Variants in DOCK5 observed in about 807,000 individuals in gnomAD.
DOCK5 encodes dedicator of cytokinesis protein 5.
In DOCK5, 142 loss-of-function variants were observed where a neutral mutation model predicts 251.8. The ratio of observed to expected loss-of-function variants is 0.56; its 90% CI spans 0.49 to 0.65. The LOEUF (loss-of-function observed/expected upper bound fraction) is 0.65. Ranked by LOEUF, DOCK5 falls within the 30% of genes least tolerant of loss-of-function variation. DOCK5 has a pLI of 0.00. For missense variants in DOCK5, 2,111 were observed against 2,312.3 expected (o/e 0.91, Z 1.79); for synonymous variants, 842 against 835.5 (o/e 1.01, Z -0.13).
rs114596463 is a variant in DOCK5 at position 25,207,880 on chromosome 8, G to A, written c.43+22929G>A. 2.2e-3 allele frequency among the ~76,000 whole-genome samples: 331 copies of A among 152,282 alleles called. 1 individual carries two copies. The highest frequency in any genetic ancestry group is 7.3e-3 in the African/African-American group (303 of 41,560). ...TGAAATGGTGGCTGCCATAAATAGT[G>A]ATTACGCTGATGGTTCTAGGTGTAG... On this transcript the variant is annotated intron_variant, in intron 1 of 51. Transcript: ENST00000276440.
intron 1 of DOCK5, among the ~76,000 whole-genome samples, chr8:25,227,917 C>G (rs1802571419): frequency 6.6e-6 from 1 of 152,284 alleles, no homozygotes; most frequent in Middle Eastern, 3.4e-3. Flanking sequence ...CAAGGTCTCT[C>G]TCTGTCACCC....
intron 40 of DOCK5, among the ~76,000 whole-genome samples, chr8:25,384,459 A>ATTTTTTTTTTTTTTTT (rs1208387306): frequency 1.5e-5 from 1 of 65,704 alleles, no homozygotes; most frequent in Admixed American, 1.8e-4. Context: ...TTATTTATTT[A>ATTTTTTTTTTTTTTTT]TTTATTTTTT....
At chr8:25,356,185 C>T (rs896473381) in intron 27 of DOCK5, among the ~76,000 whole-genome samples, 7 of 151,914 alleles carry the variant, frequency 4.6e-5, no homozygotes, top group Non-Finnish European at 1.0e-4. Context: ...GGTGACAGAG[C>T]GAGACTCCGT....
intron 2 of DOCK5, among the ~76,000 whole-genome samples, chr8:25,256,333 A>G (rs1803419615): frequency 6.6e-6 from 1 of 152,308 alleles, no homozygotes; most frequent in South Asian, 2.1e-4. Flanking sequence ...GTTTTCACCA[A>G]TGCCAGTGTA....
chr8:25,311,909 A>G (rs887172870), intron 13 of DOCK5, among the ~76,000 whole-genome samples: 2 of 151,926 alleles, frequency 1.3e-5, no homozygotes, highest in East Asian at 1.9e-4. Context: ...GCAACAGAGC[A>G]AGACTCTGCC....
intron 3 of DOCK5, chr8:25,270,732 C>T: frequency 2.9e-6 from 2 of 689,582 alleles, no homozygotes; most frequent in Non-Finnish European, 2.7e-6. Flanking sequence ...ACATGGCAGA[C>T]CTTGCTTTCT....
At chr8:25,385,762 C>T (rs534417255) in intron 40 of DOCK5, among the ~76,000 whole-genome samples, 1 of 152,166 alleles carries the variant, frequency 6.6e-6, no homozygotes, top group Admixed American at 6.5e-5. Flanking sequence ...CTGCCTCCTA[C>T]AGTGTAGCTA....
At chr8:25,204,069 T>C (rs879320025) in intron 1 of DOCK5, among the ~76,000 whole-genome samples, 1 of 152,242 alleles carries the variant, frequency 6.6e-6, no homozygotes, top group African/African-American at 2.4e-5. Context: ...GGTTTGTTTG[T>C]TTTTCTTGCA....
chr8:25,392,692 A>T, intron 43 of DOCK5, 104 bp from the exon 44 acceptor site: 2 of 977,974 alleles, frequency 2.0e-6, no homozygotes, highest in Non-Finnish European at 3.2e-6. Flanking sequence ...AATCTCACTT[A>T]AGTGAACCAG....
At position 25,319,471 on chromosome 8, in the gene DOCK5, G is replaced by A. The variant is rs1805361548; in HGVS notation, c.1444-107G>A. The A allele has an allele frequency of 4.5e-6, 3 of 663,624 alleles. No homozygotes were observed. In the East Asian group the frequency reaches 8.4e-5, roughly 19 times the overall value. 41.1% of individuals were successfully genotyped at this position (663,624 alleles called of 1,614,324 possible). ...ATCAGCCGATCAGTGCCAGTGTAGG[G>A]CATGTGTGGACGTGTTTGGGGGTGA... On this transcript the variant is annotated intron_variant, in intron 14 of 51. Coordinates refer to ENST00000276440, the MANE Select transcript of DOCK5 (RefSeq NM_024940.8).
At chr8:25,225,123 A>G (rs1486492532) in intron 1 of DOCK5, among the ~76,000 whole-genome samples, 1 of 152,206 alleles carries the variant, frequency 6.6e-6, no homozygotes, top group Non-Finnish European at 1.5e-5. Context: ...ATGTGGAGAA[A>G]TTGGAACTCT....
Position 25,197,568 on chromosome 8 carries a change from T to TGG in DOCK5, c.43+12617_43+12618insGG, listed in dbSNP as rs1801760835. On this transcript the variant is annotated intron_variant, in intron 1 of 51. Transcript: ENST00000276440. ...AGATGCCCTCTCTTTAAGGATCGTG[T>TGG]CTTTGTCTTTTTTTTTTTTTTTTTT... 3.0e-5 allele frequency among the ~76,000 whole-genome samples: 2 copies of TGG among 67,594 alleles called. 1 individual carries two copies. Among genetic ancestry groups the TGG allele is most frequent in the Non-Finnish European group, 7.8e-5 (2 of 25,558 alleles). 44.3% of individuals were successfully genotyped at this position (67,594 alleles called of 152,430 possible). A position where few individuals can be genotyped will look rare whatever the true frequency, so the allele number is the denominator to read the frequency against.
intron 29 of DOCK5, among the ~76,000 whole-genome samples, chr8:25,364,075 A>G (rs1316437238): frequency 6.6e-6 from 1 of 152,224 alleles, no homozygotes; most frequent in African/African-American, 2.4e-5. Flanking sequence ...TGTGCCTTGC[A>G]ATTGCTAGCC....
chr8:25,241,525 G>A (rs548230459), intron 1 of DOCK5, among the ~76,000 whole-genome samples: 2 of 152,130 alleles, frequency 1.3e-5, no homozygotes, highest in East Asian at 3.9e-4. Flanking sequence ...AGGACATGGA[G>A]AAAGAGGAAC....
chr8:25,186,713 T>C (rs1252277939), intron 1 of DOCK5, among the ~76,000 whole-genome samples: 1 of 151,236 alleles, frequency 6.6e-6, no homozygotes, highest in East Asian at 2.0e-4. Flanking sequence ...GCCCAATCAC[T>C]ACAGAAATGT....
chr8:25,264,915 T>G (rs1397113895), intron 2 of DOCK5, among the ~76,000 whole-genome samples: 1 of 152,012 alleles, frequency 6.6e-6, no homozygotes, highest in Non-Finnish European at 1.5e-5. Flanking sequence ...AGAATAAAAC[T>G]TGAATTTCTC....
intron 1 of DOCK5, among the ~76,000 whole-genome samples, chr8:25,189,382 A>C (rs2117436937): frequency 6.6e-6 from 1 of 151,878 alleles, no homozygotes; most frequent in East Asian, 1.9e-4. Flanking sequence ...TTCTTCTGAG[A>C]CAGGGTCTCG....
At chr8:25,319,472 C>T in intron 14 of DOCK5, 106 bp from the exon 15 acceptor site, 2 of 667,306 alleles carry the variant, frequency 3.0e-6, no homozygotes, top group Admixed American at 2.5e-5. Context: ...CAGTGTAGGG[C>T]ATGTGTGGAC....
chr8:25,362,940 G>A, intron 28 of DOCK5, 107 bp from the exon 29 acceptor site: 1 of 784,552 alleles, frequency 1.3e-6, no homozygotes, highest in Non-Finnish European at 2.2e-6. Context: ...TTACTGTGGG[G>A]CTAGGAACAT....
Sources: gnomAD v4.1 joint callset for allele counts (sites outside exome capture counted in the v4.1 genomes callset) on GRCh38, gnomAD v4.1.1 for gene constraint, MANE v1.5 for transcripts, NCBI Gene and HGNC (gene_info 2026-07-23, HGNC 2026-07-21) for gene names.